Variants in SLC13A2 observed in about 807,000 individuals in gnomAD.
SLC13A2 encodes the protein Na(+)-coupled citrate transporter.
In SLC13A2, 40 loss-of-function variants were observed where a neutral mutation model predicts 58.5. The observed-to-expected ratio is 0.68, with a 90% CI of 0.53 to 0.89. The LOEUF is 0.89. Ranked by LOEUF, SLC13A2 falls within the 40% of genes least tolerant of loss-of-function variation. The pLI, the probability that SLC13A2 is intolerant of heterozygous loss-of-function variation, is 0.00. For missense variants in SLC13A2, 694 were observed against 772.6 expected (o/e 0.90, Z 1.21); for synonymous variants, 341 against 331.6 (o/e 1.03, Z -0.31).
chr17:28,485,008 AC>A (rs2068851625), intron 1 of SLC13A2, among the ~76,000 whole-genome samples: 1 of 152,102 alleles, frequency 6.6e-6, no homozygotes, highest in African/African-American at 2.4e-5. Flanking sequence ...AAAAAGAGAG[AC>A]AGGCTAGATC....
Position 28,496,657 on chromosome 17 carries a change from A to G in SLC13A2, c.1608+70A>G. 1 of 1,535,278 alleles carries G rather than the reference A, an allele frequency of 6.5e-7. No homozygotes were observed. Among genetic ancestry groups the G allele is most frequent in the Non-Finnish European group, 8.8e-7 (1 of 1,134,344 alleles). ...CTGACTTTTCATCTTAGTGAACCAC[A>G]AAGCAGCTTAAAGCCACTGAGAGTC... On this transcript the variant is annotated intron_variant, in intron 11 of 11. Transcript: ENST00000314669. The surrounding 1 kb of genome is among the most constrained non-coding windows in gnomAD (Gnocchi z 4.2).
At position 28,491,637 on chromosome 17, in the gene SLC13A2, C is replaced by T. The variant is rs201104133; in HGVS notation, c.755+20C>T. ...CAACTCGTGAGTGACAAGGGGTGGG[C>T]CACCTTGGGGGATCTGCACATTCAC... is the stretch of plus-strand genomic sequence containing the variant. On this transcript the variant is annotated intron_variant, in intron 5 of 11. Transcript: ENST00000314669. The T allele has an allele frequency of 9.9e-6, 16 of 1,610,470 alleles. No homozygotes were observed. In the African/African-American group the frequency reaches 1.5e-4, roughly 15 times the overall value.
rs372763360 is a variant in SLC13A2 at position 28,494,002 on chromosome 17, C to G, written c.1098-15C>G. Reference sequence around the variant, plus strand: ...GCGGCTAACCCAGCCCTCCCCGCGCCCCCTCCACCAACAGCATGGTGTCCG... The same window carrying G: ...GCGGCTAACCCAGCCCTCCCCGCGCGCCCTCCACCAACAGCATGGTGTCCG... On this transcript the variant is annotated splice_polypyrimidine_tract_variant and intron_variant, in intron 7 of 11. Transcript: ENST00000314669. The surrounding 1 kb of genome is among the most constrained non-coding windows in gnomAD (Gnocchi z 4.0). The G allele has an allele frequency of 1.6e-4, 257 of 1,612,800 alleles. No individual in the cohort carries two copies. Among genetic ancestry groups the G allele is most frequent in the Non-Finnish European group, 2.1e-4 (242 of 1,178,920 alleles).
At chr17:28,491,084 G>T (rs567811963) in intron 4 of SLC13A2, among the ~76,000 whole-genome samples, 178 bp downstream of exon 4, 2 of 152,168 alleles carry the variant, frequency 1.3e-5, no homozygotes, top group African/African-American at 4.8e-5. Flanking sequence ...ACCCTGTTTT[G>T]GGAATCCCCT....
chr17:28,478,853 G>A lies in SLC13A2; in HGVS notation c.102+5039G>A, dbSNP rs545653748. 9.2e-5 allele frequency among the ~76,000 whole-genome samples: 14 copies of A among 152,334 alleles called. No individual in the cohort carries two copies. The South Asian group carries it at 2.9e-3, about 32-fold the overall frequency. ...TGTTTGGGTGTGTTGGGAAGAGAAA[G>A]TGGGAGGAGTGGGGAGACATACAAA... On this transcript the variant is annotated intron_variant, in intron 1 of 11. Transcript: ENST00000314669.
chr17:28,494,448 A>G lies in SLC13A2; in HGVS notation c.1244A>G (p.Gln415Arg). The stretch of plus-strand genomic sequence containing the variant: ...CTCCTCGACTGGAAGACGGTGAACC[A>G]GAAGATGCCGTGGAATATCGTGTTA... The part of the protein sequence containing the change: ...LGLLDWKTVN[Q>R]KMPWNIVLLL... The change falls in exon 9 of 12, where the codon CAG (glutamine) becomes CGG (arginine). Residue 415 changes from glutamine (Q) to arginine (R), a missense_variant. Physicochemically the swap from Gln to Arg is conservative, Grantham distance 43 (BLOSUM62 1). Transcript: ENST00000314669. This position sits in a 1 kb window ranked among gnomAD's most constrained non-coding sequence, Gnocchi z 4.0. 6.2e-7 allele frequency: 1 copy of G among 1,614,170 alleles called. No individual in the cohort carries two copies. The highest frequency in any genetic ancestry group is 8.5e-7 in the Non-Finnish European group (1 of 1,180,020).
Position 28,497,478 on chromosome 17 carries a change from G to GCACA in SLC13A2, c.*211_*212insCACA. ...AAAAGGTGTGTGCATGTGTGTGTGCGCATATGTGTGCGCCTGCATGGATGT... is the reference window on the plus strand; with the variant it reads ...AAAAGGTGTGTGCATGTGTGTGTGCGCACACATATGTGTGCGCCTGCATGGATGT... On this transcript the variant is annotated 3_prime_UTR_variant, in exon 12 of 12. Coordinates refer to ENST00000314669, the MANE Select transcript of SLC13A2 (RefSeq NM_003984.4). 5.0e-6 allele frequency: 3 copies of GCACA among 594,412 alleles called. No individual in the cohort carries two copies. Among genetic ancestry groups the GCACA allele is most frequent in the Non-Finnish European group, 2.9e-6 (1 of 340,782 alleles). 36.8% of individuals were successfully genotyped at this position (594,412 alleles called of 1,614,324 possible).
At chr17:28,492,084 T>A (rs1229597022) in intron 6 of SLC13A2, among the ~76,000 whole-genome samples, 3 of 152,108 alleles carry the variant, frequency 2.0e-5, no homozygotes, top group Admixed American at 2.0e-4. Context: ...CGCAACTAGA[T>A]TTGTCAGTGC....
intron 1 of SLC13A2, among the ~76,000 whole-genome samples, chr17:28,477,193 G>GTTTT (rs1300546466): frequency 5.1e-5 from 3 of 58,428 alleles, no homozygotes; most frequent in East Asian, 2.9e-4. Flanking sequence ...CAAGTTTTTT[G>GTTTT]TTTTTTTTTT....
rs191448931 is a variant in SLC13A2, at chr17:28,489,878, A to G, written c.231+536A>G. Among the ~76,000 whole-genome samples, 194 of 152,368 alleles carry G rather than the reference A, an allele frequency of 1.3e-3. 1 individual carries two copies. The highest frequency in any genetic ancestry group is 4.4e-3 in the African/African-American group (184 of 41,586). On this transcript the variant is annotated intron_variant, in intron 2 of 11. Transcript: ENST00000314669. The stretch of plus-strand genomic sequence containing the variant: ...TATCTATCTCCCAGTCCATGGCTTG[A>G]AACATGAATGGAATCACGGTAGATT...
chr17:28,484,409 G>A lies in SLC13A2; in HGVS notation c.103-4805G>A, dbSNP rs568661711. ...GGAAATCGTGTGCAGAGGCCCTGTG[G>A]CCAGAGGGAGGATGCAGTATTTGAG... On this transcript the variant is annotated intron_variant, in intron 1 of 11. Transcript: ENST00000314669. Among the ~76,000 whole-genome samples the A allele has an allele frequency of 2.0e-4, 30 of 152,282 alleles. 2 individuals carry two copies. The South Asian group carries it at 6.2e-3, about 32-fold the overall frequency.
intron 2 of SLC13A2, among the ~76,000 whole-genome samples, chr17:28,490,028 C>G (rs2068971434): frequency 6.6e-6 from 1 of 152,200 alleles, no homozygotes; most frequent in Admixed American, 6.5e-5. Flanking sequence ...AATCCTAGCA[C>G]TTTAGGGGGC....
intron 1 of SLC13A2, among the ~76,000 whole-genome samples, chr17:28,481,688 G>C (rs782386929): frequency 6.6e-6 from 1 of 152,324 alleles, no homozygotes; most frequent in South Asian, 2.1e-4. Flanking sequence ...CTTCTCGGCT[G>C]GTTATTACAG....
Position 28,489,325 on chromosome 17 carries a change from ATCGTGGATGCC to A in SLC13A2, c.217_227del (p.Val73Ter), listed in dbSNP as rs1555602645. The A allele has an allele frequency of 6.2e-7, 1 of 1,608,434 alleles. No homozygotes were observed. Among genetic ancestry groups the A allele is most frequent in the South Asian group, 1.1e-5 (1 of 90,722 alleles). ...CTTAATCCTGTTCCCTATGATGGGC[ATCGTGGATGCC>A]TCTGAGGTGAGCCCCATCCATAGGA... On this transcript the variant is annotated frameshift_variant, in exon 2 of 12. Transcript: ENST00000314669. LOFTEE classifies it high-confidence loss of function.
intron 1 of SLC13A2, among the ~76,000 whole-genome samples, chr17:28,482,691 A>G (rs782353740): frequency 2.6e-5 from 4 of 152,118 alleles, no homozygotes; most frequent in Non-Finnish European, 4.4e-5. Context: ...AGGGCAGACA[A>G]GGCTCTTTCC....
In SLC13A2 at chr17:28,496,396, C is replaced by G; in HGVS notation, c.1471-54C>G. The G allele has an allele frequency of 6.5e-7, 1 of 1,545,210 alleles. No homozygotes were observed. Among genetic ancestry groups the G allele is most frequent in the South Asian group, 1.2e-5 (1 of 81,844 alleles). On this transcript the variant is annotated intron_variant, in intron 10 of 11. Transcript: ENST00000314669. This position sits in a 1 kb window ranked among gnomAD's most constrained non-coding sequence, Gnocchi z 4.2. Reference sequence around the variant, plus strand: ...AGCAGGAGAATTGGGGGCCATGCCCCTCCCTCTGGCTTGGGGACCAAGTTC... The same window carrying G: ...AGCAGGAGAATTGGGGGCCATGCCCGTCCCTCTGGCTTGGGGACCAAGTTC...
intron 1 of SLC13A2, among the ~76,000 whole-genome samples, chr17:28,482,332 G>T (rs539433665): frequency 6.6e-6 from 1 of 152,280 alleles, no homozygotes; most frequent in African/African-American, 2.4e-5. Context: ...GATTACAGGT[G>T]TGAGCCACCG....
chr17:28,484,036 T>C (rs781870665), intron 1 of SLC13A2, among the ~76,000 whole-genome samples: 6 of 152,298 alleles, frequency 3.9e-5, no homozygotes, highest in Non-Finnish European at 8.8e-5. Flanking sequence ...GACTGATGCC[T>C]GTACCCCTAG....
In SLC13A2 at chr17:28,494,637, C is replaced by A; in HGVS notation, c.1308+125C>A. ...CCCACGTAGGAGCCTCTCGGGTAGGCAGAGCCTTTGCAGCAGCTGGGAAGA... is the reference window on the plus strand; with the variant it reads ...CCCACGTAGGAGCCTCTCGGGTAGGAAGAGCCTTTGCAGCAGCTGGGAAGA... On this transcript the variant is annotated intron_variant, in intron 9 of 11. Coordinates refer to ENST00000314669, the MANE Select transcript of SLC13A2 (RefSeq NM_003984.4). This position sits in a 1 kb window ranked among gnomAD's most constrained non-coding sequence, Gnocchi z 4.0. 7.2e-7 allele frequency: 1 copy of A among 1,398,460 alleles called. No individual in the cohort carries two copies. The highest frequency in any genetic ancestry group is 9.7e-7 in the Non-Finnish European group (1 of 1,033,986). The allele number at this position is 1,398,460 out of a possible 1,614,324, so 86.6% of individuals were successfully genotyped here. A position where few individuals can be genotyped will look rare whatever the true frequency, so the allele number is the denominator to read the frequency against.
Sources: allele counts gnomAD v4.1 joint callset (sites outside exome capture counted in the v4.1 genomes callset), GRCh38; gene constraint gnomAD v4.1.1; non-coding constraint Gnocchi (gnomAD v3.1); transcripts MANE v1.5; gene names NCBI Gene and HGNC (gene_info 2026-07-23, HGNC 2026-07-21).